Variants in PCDHGB2 observed in about 807,000 individuals in gnomAD.
PCDHGB2 encodes protocadherin gamma subfamily B, 2, also known as protocadherin gamma-B2.
Under a neutral mutation model 59.3 loss-of-function variants are expected in PCDHGB2, and 55 were observed. The ratio of observed to expected loss-of-function variants is 0.93; its 90% CI spans 0.75 to 1.16. The LOEUF (loss-of-function observed/expected upper bound fraction) is 1.16, where lower values mean the gene tolerates loss of function less well. Ranked by LOEUF, PCDHGB2 falls within the 50% of genes most tolerant of loss-of-function variation. The pLI is 0.00. For synonymous variants in PCDHGB2, 516 were observed against 512.0 expected (o/e 1.01, Z -0.11); for missense variants, 1,228 against 1,198.5 (o/e 1.02, Z -0.36).
chr5:141,396,829 A>G (rs1216305888), intron 1 of PCDHGB2, among the ~76,000 whole-genome samples: 1 of 152,206 alleles, frequency 6.6e-6, no homozygotes, highest in African/African-American at 2.4e-5. Context: ...GTGCATATTC[A>G]GTGGAGTGGG....
chr5:141,415,163 C>A, intron 1 of PCDHGB2: 1 of 1,613,856 alleles, frequency 6.2e-7, no homozygotes. Flanking sequence ...GCCACTGTCA[C>A]GCTCACCGTG....
Position 141,360,756 on chromosome 5 carries a change from A to T in PCDHGB2, c.621A>T (p.Leu207Phe). The change falls in exon 1 of 4, where the codon TTA (leucine) becomes TTT (phenylalanine). Residue 207 changes from leucine to phenylalanine, a missense_variant. Transcript: ENST00000522605. ...CTCTGGACAGAGAAGAGCACAGTTT[A>T]CATCAATTGGTCCTCACAGCTGTGG... is the stretch of plus-strand genomic sequence containing the variant. ...KHSLDREEHSLHQLVLTAVDG... is the reference protein window; with the variant it reads ...KHSLDREEHSFHQLVLTAVDG... The T allele has an allele frequency of 6.2e-7, 1 of 1,614,010 alleles. No individual in the cohort carries two copies. Among genetic ancestry groups the T allele is most frequent in the Non-Finnish European group, 8.5e-7 (1 of 1,179,904 alleles).
At chr5:141,409,743 T>C in intron 1 of PCDHGB2, 2 of 1,613,048 alleles carry the variant, frequency 1.2e-6, no homozygotes, top group Non-Finnish European at 1.7e-6. Flanking sequence ...AGCGGGGTGG[T>C]GTTCGCGCAG....
chr5:141,432,652 C>T lies in PCDHGB2; in HGVS notation c.2422-62155C>T, dbSNP rs1004936183. On this transcript the variant is annotated intron_variant, in intron 1 of 3. Transcript: ENST00000522605. This position sits in a 1 kb window ranked among gnomAD's most constrained non-coding sequence, Gnocchi z 6.0. ...CGGGCGAGGTGCGCACGGCGCGAGC[C>T]CTGCTGGACAGAGACGCGCTCAAGC... The T allele has an allele frequency of 6.2e-7, 1 of 1,613,836 alleles. No individual in the cohort carries two copies. Among genetic ancestry groups the T allele is most frequent in the East Asian group, 2.2e-5 (1 of 44,860 alleles).
intron 1 of PCDHGB2, chr5:141,415,426 C>T: frequency 6.2e-7 from 1 of 1,614,194 alleles, no homozygotes; most frequent in Non-Finnish European, 8.5e-7. Flanking sequence ...GGACGGGGTT[C>T]GGGCTTTCCT....
chr5:141,375,844 G>A (rs1771971426), intron 1 of PCDHGB2: 2 of 1,614,082 alleles, frequency 1.2e-6, no homozygotes, highest in Non-Finnish European at 8.5e-7. Context: ...CCGGCTACCT[G>A]GTGACCAAGG....
chr5:141,487,688 G>T lies in PCDHGB2; in HGVS notation c.2422-7119G>T, dbSNP rs376927186. ...AGGCATATGGCTAGGCCATGTCCTAGAGAGTACTGGCCTCTCAGTAAGTGC... is the reference window on the plus strand; with the variant it reads ...AGGCATATGGCTAGGCCATGTCCTATAGAGTACTGGCCTCTCAGTAAGTGC... On this transcript the variant is annotated intron_variant, in intron 1 of 3. Coordinates refer to ENST00000522605, the MANE Select transcript of PCDHGB2 (RefSeq NM_018923.3). The surrounding 1 kb of genome is among the most constrained non-coding windows in gnomAD (Gnocchi z 5.0). 1.2e-6 allele frequency: 2 copies of T among 1,604,966 alleles called. No individual in the cohort carries two copies.
chr5:141,470,828 C>A (rs1328067769), intron 1 of PCDHGB2, among the ~76,000 whole-genome samples: 1 of 151,994 alleles, frequency 6.6e-6, no homozygotes, highest in Non-Finnish European at 1.5e-5. Flanking sequence ...GTTAGGACGA[C>A]AAACACACGC....
intron 1 of PCDHGB2, among the ~76,000 whole-genome samples, chr5:141,420,793 T>C (rs1400287885): frequency 6.6e-6 from 1 of 152,268 alleles, no homozygotes; most frequent in Non-Finnish European, 1.5e-5. Flanking sequence ...TGAAAACTTT[T>C]TAAAAATTAA....
intron 1 of PCDHGB2, chr5:141,414,230 C>G (rs367888906): frequency 6.2e-7 from 1 of 1,613,190 alleles, no homozygotes; most frequent in Non-Finnish European, 8.5e-7. Flanking sequence ...CCAGAGCTGA[C>G]CATCACGTCT....
intron 1 of PCDHGB2, among the ~76,000 whole-genome samples, chr5:141,457,155 A>G (rs1403164805): frequency 1.3e-5 from 2 of 152,216 alleles, no homozygotes; most frequent in Admixed American, 6.5e-5. Flanking sequence ...AGAAGGTGCT[A>G]CCATGGATAA....
chr5:141,362,063 T>A lies in PCDHGB2; in HGVS notation c.1928T>A (p.Leu643Gln). The A allele has an allele frequency of 6.2e-7, 1 of 1,612,390 alleles. No individual in the cohort carries two copies. The change falls in exon 1 of 4, where the codon CTG becomes CAG. Residue 643 changes from leucine to glutamine, a missense_variant. Transcript: ENST00000522605. ...GDRDAARQRL[L>Q]VAVRDGGQPP... is the part of the protein sequence containing the mutation. ...AGGGACGCGGCCCGCCAGCGCCTGC[T>A]GGTCGCTGTGCGTGATGGAGGACAG...
chr5:141,363,768 C>T (rs944933090), intron 1 of PCDHGB2, among the ~76,000 whole-genome samples: 2 of 152,094 alleles, frequency 1.3e-5, no homozygotes, highest in African/African-American at 2.4e-5. Flanking sequence ...CAAATAAGCA[C>T]GTTTTCCTAA....
Position 141,399,060 on chromosome 5 carries a change from T to C in PCDHGB2, c.2421+36504T>C, listed in dbSNP as rs903637711. 1.9e-5 allele frequency: 31 copies of C among 1,613,868 alleles called. No homozygotes were observed. In the African/African-American group the frequency reaches 2.8e-4, roughly 15 times the overall value. ...TGGATTTTGAAGAGACCAAGGAATA[T>C]TCAATGGTTGTAGAAGGGAGGGATG... On this transcript the variant is annotated intron_variant, in intron 1 of 3. Coordinates refer to ENST00000522605, the MANE Select transcript of PCDHGB2 (RefSeq NM_018923.3).
chr5:141,403,547 G>T (rs940508173), intron 1 of PCDHGB2: 8 of 1,613,888 alleles, frequency 5.0e-6, no homozygotes, highest in African/African-American at 1.3e-5. Flanking sequence ...GCTGGAGCGC[G>T]CCCTGGACAG....
At chr5:141,362,765 G>A (rs982398782) in intron 1 of PCDHGB2, 1 of 620,542 alleles carries the variant, frequency 1.6e-6, no homozygotes, top group South Asian at 2.2e-5. Context: ...TATCACATGA[G>A]ATATTGCACT....
chr5:141,438,613 TATATATATATATATATATATATAC>T (rs1240061633), intron 1 of PCDHGB2, among the ~76,000 whole-genome samples: 627 of 36,484 alleles, frequency 0.017, 21 homozygotes, highest in African/African-American at 0.051. Flanking sequence ...TATATATATA[TATATATATATATATATATATATAC>T]ACACACACAC....
At chr5:141,371,460 A>G (rs1428114565) in intron 1 of PCDHGB2, 1 of 1,614,004 alleles carries the variant, frequency 6.2e-7, no homozygotes, top group Admixed American at 1.7e-5. Context: ...ATCCCAACAT[A>G]TACAAGAAGA....
In PCDHGB2 at chr5:141,366,458, G is replaced by A. The variant is rs555568322; in HGVS notation, c.2421+3902G>A. 4 of 1,614,092 alleles carry A rather than the reference G, an allele frequency of 2.5e-6. No homozygotes were observed. In the African/African-American group the frequency reaches 4.0e-5, roughly 16 times the overall value. On this transcript the variant is annotated intron_variant, in intron 1 of 3. Coordinates refer to ENST00000522605, the MANE Select transcript of PCDHGB2 (RefSeq NM_018923.3). Reference sequence around the variant, plus strand: ...CTGCGTCTTCCTGGCCTTCGTCATCGTGCTGCTGGTGCTCAGACTGAGGCG... The same window carrying A: ...CTGCGTCTTCCTGGCCTTCGTCATCATGCTGCTGGTGCTCAGACTGAGGCG...
Sources: allele counts gnomAD v4.1 joint callset (sites outside exome capture counted in the v4.1 genomes callset), GRCh38; gene constraint gnomAD v4.1.1; non-coding constraint Gnocchi (gnomAD v3.1); transcripts MANE v1.5; gene names NCBI Gene and HGNC (gene_info 2026-07-23, HGNC 2026-07-21).